Variants in ZNF714 observed in about 807,000 individuals in gnomAD.
ZNF714 encodes zinc finger protein 714.
Under a neutral mutation model 46.2 loss-of-function variants are expected in ZNF714, and 32 were observed. The ratio of observed to expected loss-of-function variants is 0.69; its 90% CI spans 0.52 to 0.93. ZNF714 has a LOEUF of 0.93. ZNF714 is among the 40% of genes least tolerant of loss of function. The pLI, the probability that ZNF714 is intolerant of heterozygous loss-of-function variation, is 0.00. For synonymous variants in ZNF714, 199 were observed against 213.1 expected (o/e 0.93, Z 0.58); for missense variants, 635 against 646.3 (o/e 0.98, Z 0.19).
In ZNF714 at chr19:21,122,382, C is replaced by T. The variant is rs1006910201; in HGVS notation, c.*4050C>T. 43 of 152,004 alleles carry T rather than the reference C, an allele frequency of 2.8e-4. No homozygotes were observed. Among genetic ancestry groups the T allele is most frequent in the African/African-American group, 9.7e-4 (40 of 41,394 alleles). The allele number at this position is 152,004 out of a possible 1,614,324, so 9.4% of individuals were successfully genotyped here. A position where few individuals can be genotyped will look rare whatever the true frequency, so the allele number is the denominator to read the frequency against. On this transcript the variant is annotated 3_prime_UTR_variant, in exon 5 of 5. Coordinates refer to ENST00000456283, the MANE Select transcript of ZNF714 (RefSeq NM_182515.4). ...GCTGAATTTAAAGAGAAATTCTGGC[C>T]GAGGCAGATGGATCACCTGAGGTTA...
At position 21,112,815 on chromosome 19, in the gene ZNF714, G is replaced by GATTTTTTTTTTTTTTTTTTT. The variant is rs1568281012; in HGVS notation, c.143-3991_143-3972dup. 4.8e-5 allele frequency among the ~76,000 whole-genome samples: 2 copies of GATTTTTTTTTTTTTTTTTTT among 41,700 alleles called. 1 individual carries two copies. Among genetic ancestry groups the GATTTTTTTTTTTTTTTTTTT allele is most frequent in the Non-Finnish European group, 1.1e-4 (2 of 17,718 alleles). 27.4% of individuals were successfully genotyped at this position (41,700 alleles called of 152,430 possible). A position where few individuals can be genotyped will look rare whatever the true frequency, so the allele number is the denominator to read the frequency against. On this transcript the variant is annotated intron_variant, in intron 4 of 4. Coordinates refer to ENST00000456283, the MANE Select transcript of ZNF714 (RefSeq NM_182515.4). ...GGTTTCAAATAGTTTTTTTATTTCT[G>GATTTTTTTTTTTTTTTTTTT]ATTTTTTTTTTTTTTTTTTTTTTTT...
At chr19:21,099,274 G>A (rs1454409512) in intron 4 of ZNF714, among the ~76,000 whole-genome samples, 2 of 152,004 alleles carry the variant, frequency 1.3e-5, no homozygotes, top group African/African-American at 4.8e-5. Flanking sequence ...TGCCTTTTGG[G>A]TTCGACGATT....
intron 2 of ZNF714, among the ~76,000 whole-genome samples, chr19:21,087,236 A>C (rs1253924762): frequency 1.3e-5 from 2 of 151,838 alleles, no homozygotes; most frequent in East Asian, 3.9e-4. Flanking sequence ...AAAAAAAAAA[A>C]AAAAAAAAAA....
rs1433769005 is a variant in ZNF714 at position 21,124,776 on chromosome 19, T to A, written c.*6444T>A. 9.2e-5 allele frequency among the ~76,000 whole-genome samples: 14 copies of A among 152,110 alleles called. No homozygotes were observed. The highest frequency in any genetic ancestry group is 1.5e-5 in the Non-Finnish European group (1 of 68,014). On this transcript the variant is annotated 3_prime_UTR_variant, in exon 5 of 5. Coordinates refer to ENST00000456283, the MANE Select transcript of ZNF714 (RefSeq NM_182515.4). ...CCCATTTCTTCTAAATACCTTGGCATCTGATGGTCACCATTTTACTCTATA... is the reference window on the plus strand; with the variant it reads ...CCCATTTCTTCTAAATACCTTGGCAACTGATGGTCACCATTTTACTCTATA...
At chr19:21,104,119 A>G (rs1969255556) in intron 4 of ZNF714, among the ~76,000 whole-genome samples, 1 of 152,140 alleles carries the variant, frequency 6.6e-6, no homozygotes, top group Non-Finnish European at 1.5e-5. Context: ...AGTTTTTATC[A>G]TTTTGTTATG....
In ZNF714 at chr19:21,118,083, A is replaced by G. The variant is rs774768705; in HGVS notation, c.1419A>G (p.Ile473Met). ...CCTCAAACCTTACTAAACATAACAT[A>G]ATTCATACTGGAGAGAAATCTTACA... is the stretch of plus-strand genomic sequence containing the variant. ...NRSSNLTKHN[I>M]IHTGEKSYKC... is the part of the protein sequence containing the mutation. The change falls in exon 5 of 5, where the codon ATA becomes ATG. Residue 473 changes from isoleucine to methionine, a missense_variant. Coordinates refer to ENST00000456283, the MANE Select transcript of ZNF714 (RefSeq NM_182515.4). 3.1e-6 allele frequency: 5 copies of G among 1,613,960 alleles called. No individual in the cohort carries two copies. In the East Asian group the frequency reaches 1.1e-4, roughly 36 times the overall value.
At chr19:21,083,815 A>G (rs1968713890) in intron 1 of ZNF714, among the ~76,000 whole-genome samples, 163 bp from the exon 2 acceptor site, 2 of 151,996 alleles carry the variant, frequency 1.3e-5, no homozygotes, top group Non-Finnish European at 2.9e-5. Flanking sequence ...GGGTCAAGGT[A>G]TTCCTTTGAA....
At chr19:21,097,972 A>G (rs1050682841) in intron 2 of ZNF714, among the ~76,000 whole-genome samples, 1 of 152,210 alleles carries the variant, frequency 6.6e-6, no homozygotes, top group Non-Finnish European at 1.5e-5. Flanking sequence ...AAAGTATTAT[A>G]TATGCACTGG....
chr19:21,112,349 T>G (rs1969466339), intron 4 of ZNF714, among the ~76,000 whole-genome samples: 1 of 152,114 alleles, frequency 6.6e-6, no homozygotes, highest in Non-Finnish European at 1.5e-5. Context: ...GTTTATCCAT[T>G]TCTTCTAGAT....
chr19:21,092,431 G>A (rs1188811179), intron 2 of ZNF714, among the ~76,000 whole-genome samples: 1 of 152,184 alleles, frequency 6.6e-6, no homozygotes, highest in Non-Finnish European at 1.5e-5. Flanking sequence ...ATTTTCCCCA[G>A]CAACCTAGAG....
In ZNF714 at chr19:21,118,507, T is replaced by G. The variant is rs1969656428; in HGVS notation, c.*175T>G. The G allele has an allele frequency of 6.0e-6, 2 of 330,906 alleles. No individual in the cohort carries two copies. Among genetic ancestry groups the G allele is most frequent in the African/African-American group, 2.2e-5 (1 of 46,288 alleles). 20.5% of individuals were successfully genotyped at this position (330,906 alleles called of 1,614,324 possible). A position where few individuals can be genotyped will look rare whatever the true frequency, so the allele number is the denominator to read the frequency against. On this transcript the variant is annotated 3_prime_UTR_variant, in exon 5 of 5. Transcript: ENST00000456283. ...ATACTGGAACGAAACCCTACAATTG[T>G]GAAGAATGTGCCAGTGCTTTCAACC...
chr19:21,097,671 C>G (rs1326259079), intron 2 of ZNF714, among the ~76,000 whole-genome samples: 1 of 151,818 alleles, frequency 6.6e-6, no homozygotes, highest in African/African-American at 2.4e-5. Context: ...CAATCTCTTT[C>G]ACTTACTGAA....
chr19:21,113,512 C>CT (rs35197492), intron 4 of ZNF714, among the ~76,000 whole-genome samples: 6,232 of 135,720 alleles, frequency 0.046, 467 homozygotes, highest in African/African-American at 0.16. Context: ...CTTTTTTCTT[C>CT]TTTTTTTTTT....
Position 21,119,167 on chromosome 19 carries a change from G to C in ZNF714, c.*835G>C, listed in dbSNP as rs183675865. ...GGCCTATAATCCCAGCACTTTGGTA[G>C]GCCAAGGCAGGTGGATCATGAGGTC... is the stretch of plus-strand genomic sequence containing the variant. On this transcript the variant is annotated 3_prime_UTR_variant, in exon 5 of 5. Transcript: ENST00000456283. The C allele has an allele frequency of 2.1e-4, 93 of 438,640 alleles. 1 individual carries two copies. Among genetic ancestry groups the C allele is most frequent in the African/African-American group, 1.4e-3 (69 of 48,476 alleles). The allele number at this position is 438,640 out of a possible 1,614,324, so 27.2% of individuals were successfully genotyped here.
rs1969710174 is a variant in ZNF714 at position 21,121,972 on chromosome 19, AAGT to A, written c.*3644_*3646del. 1 of 152,160 alleles carries A rather than the reference AAGT, an allele frequency of 6.6e-6. No individual in the cohort carries two copies. Among genetic ancestry groups the A allele is most frequent in the Non-Finnish European group, 1.5e-5 (1 of 68,022 alleles). The allele number at this position is 152,160 out of a possible 1,614,324, so 9.4% of individuals were successfully genotyped here. On this transcript the variant is annotated 3_prime_UTR_variant, in exon 5 of 5. Coordinates refer to ENST00000456283, the MANE Select transcript of ZNF714 (RefSeq NM_182515.4). ...AAATAATTTTTAGATGTAATTCCAAAAGTAGTGTATTAAGTTACATTTTATTTA... is the reference window on the plus strand; with the variant it reads ...AAATAATTTTTAGATGTAATTCCAAAAGTGTATTAAGTTACATTTTATTTA...
intron 2 of ZNF714, among the ~76,000 whole-genome samples, chr19:21,093,287 T>A (rs2144833309): frequency 6.6e-6 from 1 of 151,432 alleles, no homozygotes; most frequent in Non-Finnish European, 1.5e-5. Context: ...GGCTGGAGTG[T>A]GATGGCGCCA....
chr19:21,094,596 A>G (rs1302277521), intron 2 of ZNF714, among the ~76,000 whole-genome samples: 1 of 152,142 alleles, frequency 6.6e-6, no homozygotes, highest in Admixed American at 6.5e-5. Context: ...GTGTGATCTC[A>G]GCTCATTGCA....
intron 2 of ZNF714, among the ~76,000 whole-genome samples, chr19:21,088,096 C>T (rs993035140): frequency 6.6e-6 from 1 of 152,096 alleles, no homozygotes; most frequent in African/African-American, 2.4e-5. Flanking sequence ...CAGGCCTTAC[C>T]TAGCCGTAAA....
intron 4 of ZNF714, 26 bp downstream of exon 4, chr19:21,098,936 G>T: frequency 1.7e-6 from 2 of 1,173,494 alleles, no homozygotes; most frequent in South Asian, 1.4e-5. Context: ...CACAACAGAT[G>T]ACACAGATGA....
Sources: allele counts gnomAD v4.1 joint callset (sites outside exome capture counted in the v4.1 genomes callset), GRCh38; gene constraint gnomAD v4.1.1; transcripts MANE v1.5; gene names NCBI Gene and HGNC (gene_info 2026-07-23, HGNC 2026-07-21).